The following MAST4 variants were observed in gnomAD, a reference collection of about 807,000 sequenced individuals.
The protein encoded by MAST4 is microtubule associated serine/threonine kinase family member 4.
MAST4 carries 89 observed loss-of-function variants against 162.7 expected under a neutral mutation model. The ratio of observed to expected loss-of-function variants is 0.55; its 90% CI spans 0.46 to 0.65. MAST4 has a LOEUF of 0.65. Ranked by LOEUF, MAST4 falls within the 30% of genes least tolerant of loss-of-function variation. The pLI is 0.00. For synonymous variants in MAST4, 1,479 were observed against 1,361.1 expected (o/e 1.09, Z -1.91); for missense variants, 3,153 against 3,374.0 (o/e 0.93, Z 1.62).
chr5:66,837,894 A>ATATATTT (rs1554057455), intron 3 of MAST4, among the ~76,000 whole-genome samples: 2 of 53,708 alleles, frequency 3.7e-5, no homozygotes, highest in African/African-American at 2.1e-4. Context: ...ATATATATAT[A>ATATATTT]TTTTTTTTTT....
At chr5:67,110,497 G>C (rs1005402553) in intron 11 of MAST4, among the ~76,000 whole-genome samples, 1 of 152,170 alleles carries the variant, frequency 6.6e-6, no homozygotes, top group Admixed American at 6.5e-5. Flanking sequence ...TTATGTCACA[G>C]CTAGTTTAAA....
At chr5:66,657,992 A>G (rs12521863) in intron 1 of MAST4, among the ~76,000 whole-genome samples, 10,761 of 152,240 alleles carry the variant, frequency 0.071, 449 homozygotes, top group Admixed American at 0.11. Context: ...AATTATATAC[A>G]AGTTTAGTGT....
At chr5:66,916,993 C>A (rs1382301601) in intron 4 of MAST4, 1 of 717,910 alleles carries the variant, frequency 1.4e-6, no homozygotes, top group East Asian at 2.7e-5. Context: ...GATAGATTCC[C>A]AGAAGTGGAA....
intron 4 of MAST4, among the ~76,000 whole-genome samples, chr5:66,973,009 G>A (rs191383445): frequency 6.6e-6 from 1 of 152,166 alleles, no homozygotes; most frequent in Admixed American, 6.5e-5. Context: ...GTACGACCAT[G>A]TTCATCTTGA....
rs756873375 is a variant in MAST4, at chr5:67,164,146, G to A, written c.4967G>A (p.Gly1656Asp). 2 of 1,606,848 alleles carry A rather than the reference G, an allele frequency of 1.2e-6. No individual in the cohort carries two copies. The highest frequency in any genetic ancestry group is 1.7e-6 in the Non-Finnish European group (2 of 1,176,552). The change falls in exon 29 of 29, where the codon GGC (glycine) becomes GAC (aspartate). Residue 1656 changes from glycine to aspartate, a missense_variant. Around this residue, in one of 7 missense-constraint regions of MAST4, gnomAD observed 1,644 missense variants for 1,495.0 expected, o/e 1.10. Coordinates refer to ENST00000403625, the MANE Select transcript of MAST4 (RefSeq NM_001164664.2). This position sits in a 1 kb window ranked among gnomAD's most constrained non-coding sequence, Gnocchi z 5.3. ...GGTCTCTGCCACTCCCTCGACAGGG[G>A]CATCTCTGGGAAGGGGGAAGGCACG... is the stretch of plus-strand genomic sequence containing the variant. ...QDGLCHSLDR[G>D]ISGKGEGTEK...
At chr5:66,898,347 CTCTT>C (rs1424865872) in intron 3 of MAST4, among the ~76,000 whole-genome samples, 2 of 152,166 alleles carry the variant, frequency 1.3e-5, no homozygotes, top group Non-Finnish European at 2.9e-5. Context: ...AGGAAGTTCT[CTCTT>C]TTTGTTTTCT....
intron 5 of MAST4, among the ~76,000 whole-genome samples, chr5:67,083,741 C>T (rs1263429603): frequency 6.6e-6 from 1 of 152,110 alleles, no homozygotes; most frequent in Non-Finnish European, 1.5e-5. Context: ...TTGCATGATG[C>T]TTAGGAATAT....
At chr5:66,807,682 A>G (rs1236368091) in intron 3 of MAST4, among the ~76,000 whole-genome samples, 1 of 151,878 alleles carries the variant, frequency 6.6e-6, no homozygotes, top group East Asian at 1.9e-4. Flanking sequence ...TGCATAGAGG[A>G]ATTTGCATTC....
chr5:67,050,151 G>T (rs962059061), intron 4 of MAST4, among the ~76,000 whole-genome samples: 2 of 152,182 alleles, frequency 1.3e-5, no homozygotes, highest in African/African-American at 4.8e-5. Context: ...ATGATGAAAT[G>T]CATGGCCTGT....
chr5:66,827,676 G>C (rs1270145793), intron 3 of MAST4, among the ~76,000 whole-genome samples: 1 of 152,168 alleles, frequency 6.6e-6, no homozygotes, highest in East Asian at 1.9e-4. Context: ...CCAGGAGTTA[G>C]TGATTTAAAA....
chr5:67,004,094 A>C (rs1751631734), intron 4 of MAST4: 1 of 152,236 alleles, frequency 6.6e-6, no homozygotes, highest in Non-Finnish European at 1.5e-5. Flanking sequence ...ACACACCCGG[A>C]GCAGCCGCGG....
chr5:67,054,996 G>T (rs1369958943), intron 5 of MAST4, among the ~76,000 whole-genome samples: 1 of 151,386 alleles, frequency 6.6e-6, no homozygotes, highest in African/African-American at 2.4e-5. Flanking sequence ...AATGAAAACT[G>T]CTTTATATGC....
At chr5:67,129,003 ATT>A (rs1441269598) in intron 14 of MAST4, among the ~76,000 whole-genome samples, 1 of 152,116 alleles carries the variant, frequency 6.6e-6, no homozygotes, top group Non-Finnish European at 1.5e-5. Context: ...ACTCCTTCTG[ATT>A]CTCTTCTTTA....
intron 3 of MAST4, among the ~76,000 whole-genome samples, chr5:66,796,806 T>C (rs1240454776): frequency 6.6e-6 from 1 of 152,136 alleles, no homozygotes; most frequent in Admixed American, 6.5e-5. Flanking sequence ...AGATGATCCA[T>C]AGGGTGGTAA....
At chr5:66,630,684 CT>C (rs1744739225) in intron 1 of MAST4, among the ~76,000 whole-genome samples, 2 of 152,104 alleles carry the variant, frequency 1.3e-5, no homozygotes, top group South Asian at 4.1e-4. Flanking sequence ...TATAGTTAAA[CT>C]TGGACTATTT....
intron 3 of MAST4, among the ~76,000 whole-genome samples, chr5:66,885,554 C>T (rs26929): frequency 0.86 from 131,054 of 152,182 alleles, 56,763 homozygotes; most frequent in Non-Finnish European, 0.92. Flanking sequence ...AAAAATGGAA[C>T]CCAGCTTTGT....
intron 5 of MAST4, among the ~76,000 whole-genome samples, chr5:67,069,352 T>A (rs1017383345): frequency 1.4e-5 from 2 of 146,516 alleles, no homozygotes; most frequent in South Asian, 2.2e-4. Flanking sequence ...ACCTTCATAT[T>A]TCTAGTTCTT....
intron 4 of MAST4, among the ~76,000 whole-genome samples, chr5:67,049,453 C>G (rs1454180657): frequency 6.6e-6 from 1 of 152,094 alleles, no homozygotes; most frequent in African/African-American, 2.4e-5. Flanking sequence ...TGGTCATGCC[C>G]TATTTCTTCC....
chr5:66,919,980 C>T (rs1338939233), intron 4 of MAST4, among the ~76,000 whole-genome samples: 2 of 136,348 alleles, frequency 1.5e-5, no homozygotes, highest in Non-Finnish European at 3.1e-5. Context: ...TTCCTTCTTT[C>T]TCTCTCTCTC....
Sources: allele counts gnomAD v4.1 joint callset (sites outside exome capture counted in the v4.1 genomes callset), GRCh38; gene constraint gnomAD v4.1.1; regional missense constraint gnomAD v4.1.1; non-coding constraint Gnocchi (gnomAD v3.1); transcripts MANE v1.5; gene names NCBI Gene and HGNC (gene_info 2026-07-23, HGNC 2026-07-21).